The following PRKD1 variants were observed in gnomAD, a reference collection of about 807,000 sequenced individuals.
The protein encoded by PRKD1 is protein kinase D1, also known as serine/threonine-protein kinase D1.
PRKD1 carries 63 observed loss-of-function variants against 95.9 expected under a neutral mutation model. The ratio of observed to expected loss-of-function variants is 0.66; its 90% CI spans 0.54 to 0.81. The LOEUF is 0.81. Ranked by LOEUF, PRKD1 falls within the 30% of genes least tolerant of loss-of-function variation. The pLI is 0.00. For synonymous variants in PRKD1, 425 were observed against 423.1 expected, an observed-to-expected ratio of 1.00 and a Z score of -0.05; for missense variants, 1,048 against 1,165.3, an observed-to-expected ratio of 0.90 and a Z score of 1.47.
intron 1 of PRKD1, among the ~76,000 whole-genome samples, chr14:29,765,075 GTC>G (rs2139125116): frequency 6.6e-6 from 1 of 152,220 alleles, no homozygotes; most frequent in South Asian, 2.1e-4. Context: ...GACTCAAAGT[GTC>G]TCCAGGTGCC....
At chr14:29,823,755 T>C (rs1891009623) in intron 1 of PRKD1, among the ~76,000 whole-genome samples, 1 of 152,204 alleles carries the variant, frequency 6.6e-6, no homozygotes, top group Non-Finnish European at 1.5e-5. Context: ...AGATAAAGTT[T>C]TTAATATTTG....
At position 29,841,072 on chromosome 14, in the gene PRKD1, C is replaced by T. The variant is rs148338118; in HGVS notation, c.264+86177G>A. Among the ~76,000 whole-genome samples the T allele has an allele frequency of 4.7e-4, 71 of 152,342 alleles. 1 individual carries two copies. The East Asian group carries it at 0.013, about 29-fold the overall frequency. On this transcript the variant is annotated intron_variant, in intron 1 of 17. Coordinates refer to ENST00000331968, the MANE Select transcript of PRKD1 (RefSeq NM_002742.3). ...TTCTGGACTTGCATGGGGCCTGTGG[C>T]CCCTTTCTTTTGGCCGATTTCTCTC... is the stretch of plus-strand genomic sequence containing the variant.
At chr14:29,612,348 T>G (rs1878525208) in intron 13 of PRKD1, among the ~76,000 whole-genome samples, 1 of 152,210 alleles carries the variant, frequency 6.6e-6, no homozygotes, top group Admixed American at 6.5e-5. Context: ...TTTTCCAAAT[T>G]TTCTTGATGA....
At chr14:29,871,146 C>G (rs1456341326) in intron 1 of PRKD1, among the ~76,000 whole-genome samples, 7 of 152,156 alleles carry the variant, frequency 4.6e-5, no homozygotes, top group Admixed American at 6.5e-5. Flanking sequence ...ACACAGGGAG[C>G]CTCTGCTCAA....
chr14:29,774,328 AC>A (rs1010852615), intron 1 of PRKD1, among the ~76,000 whole-genome samples: 1 of 152,158 alleles, frequency 6.6e-6, no homozygotes, highest in Non-Finnish European at 1.5e-5. Flanking sequence ...ATTAAAACAT[AC>A]CTCCTGAAAA....
chr14:29,825,404 G>A (rs1181276328), intron 1 of PRKD1, among the ~76,000 whole-genome samples: 1 of 152,124 alleles, frequency 6.6e-6, no homozygotes, highest in Non-Finnish European at 1.5e-5. Context: ...ATTTAAATGT[G>A]TGTGTGTGTA....
At chr14:29,819,717 A>C (rs1890835280) in intron 1 of PRKD1, among the ~76,000 whole-genome samples, 1 of 150,264 alleles carries the variant, frequency 6.7e-6, no homozygotes, top group Admixed American at 6.6e-5. Context: ...AAAATAACAT[A>C]AAATAAAATA....
chr14:29,637,020 G>A (rs45451891), intron 6 of PRKD1, among the ~76,000 whole-genome samples: 2,920 of 152,224 alleles, frequency 0.019, 41 homozygotes, highest in Middle Eastern at 0.034. Flanking sequence ...CTCGTTTTCC[G>A]TTTTCCCAAG....
intron 1 of PRKD1, among the ~76,000 whole-genome samples, chr14:29,747,755 T>C (rs1415154430): frequency 6.6e-6 from 1 of 152,126 alleles, no homozygotes; most frequent in African/African-American, 2.4e-5. Flanking sequence ...TTAATATATT[T>C]ATTTTGAGAG....
At chr14:29,592,103 C>T (rs1893150198) in intron 16 of PRKD1, among the ~76,000 whole-genome samples, 1 of 151,970 alleles carries the variant, frequency 6.6e-6, no homozygotes, top group Non-Finnish European at 1.5e-5. Flanking sequence ...ATGTGTTGAC[C>T]TTTAAGCCTA....
intron 2 of PRKD1, among the ~76,000 whole-genome samples, chr14:29,722,925 A>T (rs1885967337): frequency 6.6e-6 from 1 of 152,176 alleles, no homozygotes; most frequent in African/African-American, 2.4e-5. Flanking sequence ...GGAGTTAGTG[A>T]TTAAAATACA....
At chr14:29,764,172 G>A (rs1276781189) in intron 1 of PRKD1, among the ~76,000 whole-genome samples, 1 of 151,908 alleles carries the variant, frequency 6.6e-6, no homozygotes, top group Non-Finnish European at 1.5e-5. Context: ...GCATTACTTT[G>A]GGGAGAATTT....
intron 1 of PRKD1, among the ~76,000 whole-genome samples, chr14:29,854,284 G>T (rs771022323): frequency 4.3e-4 from 65 of 152,272 alleles, no homozygotes; most frequent in Non-Finnish European, 7.5e-4. Context: ...TTGACCAAAA[G>T]CCTGATAGTG....
chr14:29,772,227 C>A (rs1888541397), intron 1 of PRKD1, among the ~76,000 whole-genome samples: 1 of 152,122 alleles, frequency 6.6e-6, no homozygotes, highest in South Asian at 2.1e-4. Flanking sequence ...TTTTGTGTCC[C>A]TCTAAAATTC....
chr14:29,714,669 T>C (rs951449186), intron 2 of PRKD1, among the ~76,000 whole-genome samples: 1 of 152,190 alleles, frequency 6.6e-6, no homozygotes, highest in Admixed American at 6.5e-5. Flanking sequence ...ATATGTTTAT[T>C]GTGGCACTGT....
chr14:29,811,428 G>T (rs764435586), intron 1 of PRKD1, among the ~76,000 whole-genome samples: 2 of 152,156 alleles, frequency 1.3e-5, no homozygotes, highest in Non-Finnish European at 2.9e-5. Flanking sequence ...TCTACTGCTC[G>T]AGCCCACAGG....
At chr14:29,781,581 AAAG>A (rs1394341304) in intron 1 of PRKD1, among the ~76,000 whole-genome samples, 1 of 152,254 alleles carries the variant, frequency 6.6e-6, no homozygotes, top group African/African-American at 2.4e-5. Flanking sequence ...GCCAAGGTAC[AAAG>A]AAGACTGGAA....
At chr14:29,699,974 A>C (rs1158856241) in intron 2 of PRKD1, among the ~76,000 whole-genome samples, 1 of 152,056 alleles carries the variant, frequency 6.6e-6, no homozygotes, top group East Asian at 1.9e-4. Flanking sequence ...TGGTATTTTA[A>C]AGTTTTATTT....
At chr14:29,814,127 A>C (rs931545726) in intron 1 of PRKD1, among the ~76,000 whole-genome samples, 1 of 152,246 alleles carries the variant, frequency 6.6e-6, no homozygotes, top group Non-Finnish European at 1.5e-5. Flanking sequence ...TTTACTAGCT[A>C]AATTCCCTTG....
Sources: gnomAD v4.1 joint callset for allele counts (sites outside exome capture counted in the v4.1 genomes callset) on GRCh38, gnomAD v4.1.1 for gene constraint, MANE v1.5 for transcripts, NCBI Gene and HGNC (gene_info 2026-07-23, HGNC 2026-07-21) for gene names.